The following SPTAN1 variants were observed in gnomAD, a reference collection of about 807,000 sequenced individuals.
SPTAN1 encodes spectrin alpha, non-erythrocytic 1, also known as spectrin alpha chain, non-erythrocytic 1.
Under a neutral mutation model 331.3 loss-of-function variants are expected in SPTAN1, and 61 were observed. The ratio of observed to expected loss-of-function variants is 0.18; its 90% CI spans 0.15 to 0.23. SPTAN1 has a LOEUF of 0.23. Ranked by LOEUF, SPTAN1 falls within the 10% of genes least tolerant of loss-of-function variation. SPTAN1 has a pLI of 1.00. For missense variants in SPTAN1, 2,043 were observed against 3,147.9 expected (o/e 0.65, Z 8.40); for synonymous variants, 1,153 against 1,173.9 (o/e 0.98, Z 0.36).
At chr9:128,556,751 A>C (rs192292804) in intron 1 of SPTAN1, among the ~76,000 whole-genome samples, 7 of 152,200 alleles carry the variant, frequency 4.6e-5, no homozygotes, top group Non-Finnish European at 1.0e-4. Context: ...GGTTTAAGCA[A>C]AAATATTTGT....
At chr9:128,560,039 A>G (rs1452328462) in intron 1 of SPTAN1, among the ~76,000 whole-genome samples, 2 of 146,112 alleles carry the variant, frequency 1.4e-5, no homozygotes, top group Non-Finnish European at 3.0e-5. Flanking sequence ...CTGGCCGATA[A>G]TTTTGATTTT....
chr9:128,556,643 T>C (rs1170503407), intron 1 of SPTAN1, among the ~76,000 whole-genome samples: 1 of 152,236 alleles, frequency 6.6e-6, no homozygotes, highest in Admixed American at 6.5e-5. Flanking sequence ...TTCTTAAAGC[T>C]AAGTCCCTGC....
In SPTAN1 at chr9:128,616,681, C is replaced by T. The variant is rs150891208; in HGVS notation, c.5357+841C>T. On this transcript the variant is annotated intron_variant, in intron 41 of 56. Transcript: ENST00000372739. ...GCTTGTGAGGCTGAGGCAGGATAAT[C>T]GCTTGAACCAGGGAGGCGGAGGTTG... 8.0e-3 allele frequency among the ~76,000 whole-genome samples: 1,211 copies of T among 151,688 alleles called. 20 individuals carry two copies. Among genetic ancestry groups the T allele is most frequent in the African/African-American group, 0.027 (1,136 of 41,408 alleles).
chr9:128,582,505 A>G lies in SPTAN1; in HGVS notation c.1599A>G (p.Leu533=). 1 of 1,614,172 alleles carries G rather than the reference A, an allele frequency of 6.2e-7. No individual in the cohort carries two copies. Among genetic ancestry groups the G allele is most frequent in the Non-Finnish European group, 8.5e-7 (1 of 1,180,026 alleles). ...CATTAGATGAATTTGCAACCAAGCTAATTCAGAACAACCACTATGCAATGG... is the reference window on the plus strand; with the variant it reads ...CATTAGATGAATTTGCAACCAAGCTGATTCAGAACAACCACTATGCAATGG... The part of the protein sequence containing the change: ...ITALDEFATK[L]IQNNHYAMED... The change falls in exon 13 of 57, where the codon CTA becomes CTG. Residue 533 remains leucine, a synonymous_variant. Coordinates refer to ENST00000372739, the MANE Select transcript of SPTAN1 (RefSeq NM_001130438.3).
chr9:128,609,766 G>T, intron 37 of SPTAN1, 101 bp downstream of exon 37: 2 of 744,764 alleles, frequency 2.7e-6, no homozygotes, highest in African/African-American at 3.6e-5. Flanking sequence ...CGGTTTGCTG[G>T]TGTCTCTTCA....
In SPTAN1 at chr9:128,583,482, G is replaced by A. The variant is rs1368305185; in HGVS notation, c.2011+201G>A. Among the ~76,000 whole-genome samples, 4 of 152,174 alleles carry A rather than the reference G, an allele frequency of 2.6e-5. No individual in the cohort carries two copies. The East Asian group carries it at 7.7e-4, about 29-fold the overall frequency. ...AATGTGGTCGAGCATACTGGTTGGT[G>A]AGGGAGTCTGAGTGAGAAGGAACTG... is the stretch of plus-strand genomic sequence containing the variant. On this transcript the variant is annotated intron_variant, in intron 15 of 56. Transcript: ENST00000372739.
chr9:128,631,536 A>T, intron 52 of SPTAN1: 1 of 156,408 alleles, frequency 6.4e-6, no homozygotes, highest in Non-Finnish European at 1.4e-5. Context: ...ACCTTGTCTT[A>T]AAAATAAGGC....
rs2131150901 is a variant in SPTAN1 at position 128,583,804 on chromosome 9, A to C, written c.2028A>C (p.Glu676Asp). 1.2e-6 allele frequency: 2 copies of C among 1,614,242 alleles called. No homozygotes were observed. The highest frequency in any genetic ancestry group is 3.3e-5 in the Admixed American group (2 of 60,030). The change falls in exon 16 of 57, where the codon GAA becomes GAC. Residue 676 changes from glutamate to aspartate, a missense_variant. Around this residue, in one of 12 missense-constraint regions of SPTAN1, gnomAD observed 1,038 missense variants for 1,531.5 expected, o/e 0.68. Transcript: ENST00000372739. ...ATELKGIKLR[E>D]ANQQQQFNRN... is the part of the protein sequence containing the mutation. ...CTTCCATAGGAATAAAGCTTCGTGA[A>C]GCCAACCAGCAACAGCAATTTAATC...
At chr9:128,554,969 T>C (rs1035180133) in intron 1 of SPTAN1, among the ~76,000 whole-genome samples, 1 of 152,242 alleles carries the variant, frequency 6.6e-6, no homozygotes, top group African/African-American at 2.4e-5. Context: ...TGCTCTTTTA[T>C]TGCTGAATGG....
Position 128,584,396 on chromosome 9 carries a change from A to C in SPTAN1, c.2308A>C (p.Lys770Gln). ...CCTCGTGGCTCGCTATGAGGCACTCAAGGAGCCCATGGTTGCCCGGAAGCA... is the reference window on the plus strand; with the variant it reads ...CCTCGTGGCTCGCTATGAGGCACTCCAGGAGCCCATGGTTGCCCGGAAGCA... ...EALVARYEAL[K>Q]EPMVARKQKL... The change falls in exon 17 of 57, where the codon AAG (lysine) becomes CAG (glutamine). Residue 770 changes from lysine (K) to glutamine (Q), a missense_variant. Transcript: ENST00000372739. The C allele has an allele frequency of 6.2e-7, 1 of 1,614,208 alleles. No individual in the cohort carries two copies. Among genetic ancestry groups the C allele is most frequent in the Non-Finnish European group, 8.5e-7 (1 of 1,180,026 alleles).
chr9:128,556,730 G>C (rs1006200685), intron 1 of SPTAN1, among the ~76,000 whole-genome samples: 3 of 152,182 alleles, frequency 2.0e-5, no homozygotes, highest in African/African-American at 4.8e-5. Flanking sequence ...CCACAATCCT[G>C]ATTGGAATGT....
intron 4 of SPTAN1, 144 bp from the exon 5 acceptor site, chr9:128,575,055 G>A: frequency 7.7e-7 from 1 of 1,302,916 alleles, no homozygotes; most frequent in Middle Eastern, 2.4e-4. Context: ...TCTGTGGGAG[G>A]AACTAAAATC....
At position 128,557,030 on chromosome 9, in the gene SPTAN1, CATT is replaced by C. The variant is rs568882666; in HGVS notation, c.-4+4335_-4+4337del. On this transcript the variant is annotated intron_variant, in intron 1 of 56. Transcript: ENST00000372739. ...GGCATCCTAAGCCACGGAAAAAAGACATTGTTGGTTCTGCACATTTGGGTTCTG... is the reference window on the plus strand; with the variant it reads ...GGCATCCTAAGCCACGGAAAAAAGACGTTGGTTCTGCACATTTGGGTTCTG... Among the ~76,000 whole-genome samples the C allele has an allele frequency of 3.3e-3, 496 of 152,310 alleles. 3 individuals are homozygous for C. The highest frequency in any genetic ancestry group is 0.011 in the African/African-American group (464 of 41,568).
intron 1 of SPTAN1, among the ~76,000 whole-genome samples, chr9:128,560,843 C>T (rs528966219): frequency 1.3e-5 from 2 of 150,848 alleles, no homozygotes; most frequent in Admixed American, 6.6e-5. Flanking sequence ...ATGGTGAAAC[C>T]CAATCTCTAC....
Position 128,579,666 on chromosome 9 carries a change from C to T in SPTAN1, c.1251C>T (p.Phe417=), listed in dbSNP as rs2131061265. The T allele has an allele frequency of 2.5e-6, 4 of 1,614,088 alleles. No individual in the cohort carries two copies. The highest frequency in any genetic ancestry group is 3.4e-6 in the Non-Finnish European group (4 of 1,179,978). Residue 417 remains phenylalanine (F), a synonymous_variant, in exon 10 of 57, where the codon TTC becomes TTT. Coordinates refer to ENST00000372739, the MANE Select transcript of SPTAN1 (RefSeq NM_001130438.3). ...AAATTGATGCCCATGAAGACAGCTT[C>T]AAATCTGCAGATGAATCTGGACAGG... The part of the protein sequence containing the change: ...KGEIDAHEDS[F]KSADESGQAL...
rs776000581 is a variant in SPTAN1 at position 128,581,008 on chromosome 9, G to A, written c.1410G>A (p.Gln470=). 2.5e-6 allele frequency: 4 copies of A among 1,614,000 alleles called. No homozygotes were observed. In the African/African-American group the frequency reaches 5.3e-5, roughly 22 times the overall value. The change falls in exon 11 of 57, where the codon CAG becomes CAA. Residue 470 remains glutamine, a synonymous_variant. Coordinates refer to ENST00000372739, the MANE Select transcript of SPTAN1 (RefSeq NM_001130438.3). ...RQQYEQCMDL[Q]LFYRDTEQVD... is the part of the protein sequence containing the mutation. Reference sequence around the variant, plus strand: ...AGTACGAGCAGTGCATGGACCTGCAGCTCTTCTACCGGGACACTGAGCAGG... The same window carrying A: ...AGTACGAGCAGTGCATGGACCTGCAACTCTTCTACCGGGACACTGAGCAGG...
At position 128,584,850 on chromosome 9, in the gene SPTAN1, G is replaced by C; in HGVS notation, c.2560+7G>C. The C allele has an allele frequency of 6.2e-7, 1 of 1,614,154 alleles. No individual in the cohort carries two copies. Among genetic ancestry groups the C allele is most frequent in the Non-Finnish European group, 8.5e-7 (1 of 1,180,038 alleles). ...AATGCCATGGTGGAGGAAGGTGAGT[G>C]ATTGGTATCAGTGACATGGCTTGGT... is the stretch of plus-strand genomic sequence containing the variant. On this transcript the variant is annotated splice_region_variant and intron_variant, in intron 18 of 56. Coordinates refer to ENST00000372739, the MANE Select transcript of SPTAN1 (RefSeq NM_001130438.3).
At chr9:128,580,458 A>G (rs888276171) in intron 10 of SPTAN1, among the ~76,000 whole-genome samples, 1 of 151,994 alleles carries the variant, frequency 6.6e-6, no homozygotes, top group African/African-American at 2.4e-5. Context: ...GTTTTTTAGT[A>G]TTACATAGAG....
intron 28 of SPTAN1, 41 bp from the exon 29 acceptor site, chr9:128,604,285 G>A (rs751184113): frequency 6.3e-7 from 1 of 1,594,692 alleles, no homozygotes; most frequent in Middle Eastern, 1.7e-4. Context: ...GGCATGACAG[G>A]AGAGGGAGTG....
Sources: allele counts gnomAD v4.1 joint callset (sites outside exome capture counted in the v4.1 genomes callset), GRCh38; gene constraint gnomAD v4.1.1; regional missense constraint gnomAD v4.1.1; transcripts MANE v1.5; gene names NCBI Gene and HGNC (gene_info 2026-07-23, HGNC 2026-07-21).